GRIK3: variants seen among roughly 807,000 people sequenced by gnomAD.
GRIK3 encodes the protein glutamate receptor ionotropic, kainate 3.
A neutral mutation model predicts 102.5 loss-of-function variants in GRIK3; 29 were observed. The ratio of observed to expected loss-of-function variants is 0.28; its 90% CI spans 0.21 to 0.39. The LOEUF is 0.39. Among genes scored for constraint, GRIK3 ranks in the 10% least tolerant of loss-of-function variants. GRIK3 has a pLI of 1.00. For synonymous variants in GRIK3, 511 were observed against 504.9 expected, an observed-to-expected ratio of 1.01 and a Z score of -0.16; for missense variants, 908 against 1,252.4, an observed-to-expected ratio of 0.73 and a Z score of 4.15.
chr1:36,880,804 G>A lies in GRIK3; in HGVS notation c.380C>T (p.Ala127Val). The A allele has an allele frequency of 1.2e-6, 2 of 1,613,942 alleles. No homozygotes were observed. The highest frequency in any genetic ancestry group is 1.7e-6 in the Non-Finnish European group (2 of 1,179,798). The change falls in exon 3 of 16, where the codon GCC (alanine) becomes GTC (valine). Residue 127 changes from alanine (A) to valine (V), a missense_variant. Ala to Val is a moderately conservative substitution (Grantham distance 64). Around this residue, in one of 3 missense-constraint regions of GRIK3, gnomAD observed 585 missense variants for 824.9 expected, o/e 0.71. Coordinates refer to ENST00000373091, the MANE Select transcript of GRIK3 (RefSeq NM_000831.4). This position sits in a 1 kb window ranked among gnomAD's most constrained non-coding sequence, Gnocchi z 5.4. ...CTNAVQSICN[A>V]LEVPHIQLRW... Reference sequence around the variant, plus strand: ...CAGCTGGATGTGGGGCACCTCCAGGGCATTGCAGATGGACTGGACGGCATT... The same window carrying A: ...CAGCTGGATGTGGGGCACCTCCAGGACATTGCAGATGGACTGGACGGCATT...
intron 1 of GRIK3, among the ~76,000 whole-genome samples, chr1:36,923,916 C>T (rs1170629253): frequency 6.6e-6 from 1 of 152,016 alleles, no homozygotes; most frequent in Non-Finnish European, 1.5e-5. Flanking sequence ...GGCTGACCCA[C>T]ACATGCACAC....
At position 37,007,412 on chromosome 1, in the gene GRIK3, G is replaced by A. The variant is rs555177250; in HGVS notation, c.115+26582C>T. On this transcript the variant is annotated intron_variant, in intron 1 of 15. Transcript: ENST00000373091. ...TGCTGGAGAGTGGAAGAAGAGGGAAGAGTCCATTCCTTCTGGGAGTGTCTT... is the reference window on the plus strand; with the variant it reads ...TGCTGGAGAGTGGAAGAAGAGGGAAAAGTCCATTCCTTCTGGGAGTGTCTT... 2.4e-4 allele frequency among the ~76,000 whole-genome samples: 36 copies of A among 152,316 alleles called. No homozygotes were observed. In the South Asian group the frequency reaches 7.5e-3, roughly 32 times the overall value.
rs553246891 is a variant in GRIK3, at chr1:36,915,235, T to C, written c.116-24139A>G. Among the ~76,000 whole-genome samples the C allele has an allele frequency of 1.1e-4, 16 of 152,282 alleles. No homozygotes were observed. The South Asian group carries it at 3.3e-3, about 32-fold the overall frequency. On this transcript the variant is annotated intron_variant, in intron 1 of 15. Transcript: ENST00000373091. ...TCAAAGTTCTTCATGCAGCTTAATATCTATTTGCTGTCTTAAATATCTATT... is the reference window on the plus strand; with the variant it reads ...TCAAAGTTCTTCATGCAGCTTAATACCTATTTGCTGTCTTAAATATCTATT...
chr1:36,833,250 C>CTG (rs1167914085), intron 10 of GRIK3, among the ~76,000 whole-genome samples: 3 of 152,192 alleles, frequency 2.0e-5, no homozygotes, highest in Non-Finnish European at 4.4e-5. Flanking sequence ...TCACCTGATC[C>CTG]TGTCCCCTGC....
intron 1 of GRIK3, among the ~76,000 whole-genome samples, chr1:36,921,722 T>C (rs1641475741): frequency 6.6e-6 from 1 of 152,134 alleles, no homozygotes; most frequent in African/African-American, 2.4e-5. Context: ...TTTTCTTTCT[T>C]AGGGAAGTAC....
chr1:36,861,263 T>C (rs575823304), intron 5 of GRIK3, among the ~76,000 whole-genome samples: 10 of 152,344 alleles, frequency 6.6e-5, no homozygotes, highest in African/African-American at 2.4e-4. Context: ...TTTTGAAATA[T>C]ATACTTGCAC....
At chr1:36,948,334 C>T (rs781138305) in intron 1 of GRIK3, among the ~76,000 whole-genome samples, 5 of 152,236 alleles carry the variant, frequency 3.3e-5, no homozygotes, top group Non-Finnish European at 7.3e-5. Flanking sequence ...GAGAGGCCTA[C>T]TACGTGCCAG....
Position 36,930,557 on chromosome 1 carries a change from A to C in GRIK3, c.116-39461T>G, listed in dbSNP as rs116405563. On this transcript the variant is annotated intron_variant, in intron 1 of 15. Transcript: ENST00000373091. ...CTTAGTTCTTGTGCTCTGGTCCATCACACATGCCTGATGAGACATGAATGT... is the reference window on the plus strand; with the variant it reads ...CTTAGTTCTTGTGCTCTGGTCCATCCCACATGCCTGATGAGACATGAATGT... Among the ~76,000 whole-genome samples the C allele has an allele frequency of 1.7e-3, 259 of 152,322 alleles. 3 individuals carry two copies. Among genetic ancestry groups the C allele is most frequent in the African/African-American group, 6.0e-3 (251 of 41,570 alleles).
In GRIK3 at chr1:37,034,092, C is replaced by T. The variant is rs766597743; in HGVS notation, c.17G>A (p.Arg6Gln). MTAPWRRLRSLVWEYW... is the reference protein window; with the variant it reads MTAPWQRLRSLVWEYW... ...TTCCCAAACCAGACTCCGGAGGCGC[C>T]GCCAGGGAGCGGTCATCGTTGGGCG... is the stretch of plus-strand genomic sequence containing the variant. Residue 6 changes from arginine (R) to glutamine (Q), a missense_variant, in exon 1 of 16, where the codon CGG (arginine) becomes CAG (glutamine). Physicochemically the swap from Arg to Gln is conservative, Grantham distance 43. Coordinates refer to ENST00000373091, the MANE Select transcript of GRIK3 (RefSeq NM_000831.4). The T allele has an allele frequency of 1.9e-6, 3 of 1,581,818 alleles. No individual in the cohort carries two copies. Among genetic ancestry groups the T allele is most frequent in the South Asian group, 1.1e-5 (1 of 88,146 alleles).
chr1:37,026,957 AT>A (rs1360729734), intron 1 of GRIK3, among the ~76,000 whole-genome samples: 1 of 152,164 alleles, frequency 6.6e-6, no homozygotes, highest in African/African-American at 2.4e-5. Context: ...TCCAAAAAAA[AT>A]CATTCTGTTT....
At chr1:36,842,497 T>C (rs1384041633) in intron 9 of GRIK3, among the ~76,000 whole-genome samples, 1 of 152,206 alleles carries the variant, frequency 6.6e-6, no homozygotes, top group African/African-American at 2.4e-5. Context: ...CTAACTTCTC[T>C]TCCAACTCCA....
At chr1:36,832,482 C>T (rs981627861) in intron 10 of GRIK3, among the ~76,000 whole-genome samples, 2 of 152,200 alleles carry the variant, frequency 1.3e-5, no homozygotes, top group African/African-American at 4.8e-5. Context: ...ATGAACCTGA[C>T]AAACCAACAC....
At chr1:36,980,853 G>GT (rs1642241545) in intron 1 of GRIK3, among the ~76,000 whole-genome samples, 1 of 152,106 alleles carries the variant, frequency 6.6e-6, no homozygotes, top group Non-Finnish European at 1.5e-5. Context: ...CCTGGAAACC[G>GT]TGAGAGAACT....
intron 1 of GRIK3, among the ~76,000 whole-genome samples, chr1:36,921,235 G>A (rs901074329): frequency 6.6e-6 from 1 of 152,218 alleles, no homozygotes; most frequent in Non-Finnish European, 1.5e-5. Context: ...GGCCCTGCTA[G>A]CTGATGACAG....
chr1:36,810,475 C>G (rs925473645), intron 13 of GRIK3, among the ~76,000 whole-genome samples: 2 of 152,216 alleles, frequency 1.3e-5, no homozygotes, highest in Admixed American at 6.5e-5. Context: ...AGGCTCACGA[C>G]TTTCAATTCC....
chr1:36,946,043 A>C (rs892337571), intron 1 of GRIK3, among the ~76,000 whole-genome samples: 15 of 152,232 alleles, frequency 9.9e-5, no homozygotes, highest in Non-Finnish European at 1.8e-4. Flanking sequence ...AAAGTGAGAG[A>C]GAAGGCAGAA....
At chr1:36,838,536 G>A (rs1487096985) in intron 10 of GRIK3, among the ~76,000 whole-genome samples, 2 of 152,094 alleles carry the variant, frequency 1.3e-5, no homozygotes, top group Non-Finnish European at 2.9e-5. Context: ...TCAGCAGAAG[G>A]CGATGCATCC....
chr1:36,919,070 G>C (rs964340455), intron 1 of GRIK3, among the ~76,000 whole-genome samples: 4 of 152,224 alleles, frequency 2.6e-5, no homozygotes, highest in Non-Finnish European at 5.9e-5. Flanking sequence ...AGAGGGGACT[G>C]TTTTTATGGC....
At chr1:37,011,817 G>A (rs184488033) in intron 1 of GRIK3, among the ~76,000 whole-genome samples, 4 of 152,310 alleles carry the variant, frequency 2.6e-5, no homozygotes, top group South Asian at 2.1e-4. Context: ...ATGCAGAGAC[G>A]CATTTCTCCC....
Sources: allele counts gnomAD v4.1 joint callset (sites outside exome capture counted in the v4.1 genomes callset), GRCh38; gene constraint gnomAD v4.1.1; regional missense constraint gnomAD v4.1.1; non-coding constraint Gnocchi (gnomAD v3.1); transcripts MANE v1.5; gene names NCBI Gene and HGNC (gene_info 2026-07-23, HGNC 2026-07-21).